MGAT5: variants seen among roughly 807,000 people sequenced by gnomAD.
The protein encoded by MGAT5 is alpha-1,6-mannosylglycoprotein 6-beta-N-acetylglucosaminyltransferase A.
A neutral mutation model predicts 94.3 loss-of-function variants in MGAT5; 30 were observed. That is an observed-to-expected ratio of 0.32 (90% CI 0.24 to 0.43). The LOEUF (loss-of-function observed/expected upper bound fraction) is 0.43, where lower values mean the gene tolerates loss of function less well. Among genes scored for constraint, MGAT5 ranks in the 20% least tolerant of loss-of-function variants. The pLI is 1.00. For synonymous variants in MGAT5, 310 were observed against 322.9 expected (o/e 0.96, Z 0.43); for missense variants, 691 against 905.5 (o/e 0.76, Z 3.04).
At chr2:134,180,032 A>T (rs1688661698) in intron 1 of MGAT5, among the ~76,000 whole-genome samples, 1 of 152,244 alleles carries the variant, frequency 6.6e-6, no homozygotes, top group Admixed American at 6.5e-5. Flanking sequence ...GACAATTTAC[A>T]AATGCCATGG....
chr2:134,145,210 C>CTGTGTG (rs1413599821), intron 1 of MGAT5, among the ~76,000 whole-genome samples: 20 of 95,978 alleles, frequency 2.1e-4, no homozygotes, highest in African/African-American at 1.3e-3. Flanking sequence ...GTGTGTCTCT[C>CTGTGTG]TCTCTGTGTG....
Position 134,318,678 on chromosome 2 carries a change from C to T in MGAT5, c.512C>T (p.Pro171Leu), listed in dbSNP as rs1191662425. 6.2e-7 allele frequency: 1 copy of T among 1,613,440 alleles called. No homozygotes were observed. Among genetic ancestry groups the T allele is most frequent in the Non-Finnish European group, 8.5e-7 (1 of 1,179,460 alleles). Residue 171 changes from proline (P) to leucine (L), a missense_variant, in exon 4 of 16, where the codon CCC (proline) becomes CTC (leucine). Coordinates refer to ENST00000281923, the MANE Select transcript of MGAT5 (RefSeq NM_002410.5). The stretch of plus-strand genomic sequence containing the variant: ...ATGAAAGACATGTGGCGTTCAGATC[C>T]CTGCTACGCAGACTATGGAGTGGAT... ...KWMKDMWRSDPCYADYGVDGS... is the reference protein window; with the variant it reads ...KWMKDMWRSDLCYADYGVDGS...
At chr2:134,434,442 A>G (rs1305337611) in intron 14 of MGAT5, among the ~76,000 whole-genome samples, 2 of 152,248 alleles carry the variant, frequency 1.3e-5, no homozygotes, top group African/African-American at 4.8e-5. Flanking sequence ...TTAGGGAAGG[A>G]TGCAGATGTT....
chr2:134,265,463 A>G (rs1249884976), intron 1 of MGAT5, among the ~76,000 whole-genome samples: 1 of 152,192 alleles, frequency 6.6e-6, no homozygotes, highest in Non-Finnish European at 1.5e-5. Context: ...ACTTAACAGA[A>G]GCTGTCAAAT....
intron 10 of MGAT5, among the ~76,000 whole-genome samples, chr2:134,377,431 G>A (rs1403061451): frequency 6.6e-6 from 1 of 152,184 alleles, no homozygotes; most frequent in East Asian, 1.9e-4. Flanking sequence ...ATTTGACCTA[G>A]GTCACATGAC....
intron 8 of MGAT5, among the ~76,000 whole-genome samples, chr2:134,348,204 G>C (rs772142574): frequency 6.6e-6 from 1 of 152,192 alleles, no homozygotes; most frequent in Non-Finnish European, 1.5e-5. Context: ...AACAAACACT[G>C]ATCAGTTCCT....
chr2:134,168,511 A>G (rs1338835960), intron 1 of MGAT5, among the ~76,000 whole-genome samples: 1 of 152,208 alleles, frequency 6.6e-6, no homozygotes, highest in Non-Finnish European at 1.5e-5. Flanking sequence ...GGCGTCAAAG[A>G]CCAACCTAGA....
chr2:134,446,803 C>T (rs146893794), intron 15 of MGAT5, among the ~76,000 whole-genome samples: 296 of 152,314 alleles, frequency 1.9e-3, no homozygotes, highest in Middle Eastern at 0.01. Context: ...GCAGTTCACA[C>T]GTGCAGGAGG....
intron 2 of MGAT5, among the ~76,000 whole-genome samples, chr2:134,304,206 G>C (rs1203460828): frequency 6.6e-6 from 1 of 152,084 alleles, no homozygotes. Flanking sequence ...CCCTGGTTTT[G>C]GTATGCATGC....
chr2:134,126,905 T>C (rs1685863583), intron 1 of MGAT5, among the ~76,000 whole-genome samples: 1 of 151,914 alleles, frequency 6.6e-6, no homozygotes, highest in African/African-American at 2.4e-5. Context: ...TTTTAAACCA[T>C]CTTATTTTCA....
intron 10 of MGAT5, among the ~76,000 whole-genome samples, chr2:134,384,538 AT>A (rs1681850299): frequency 1.3e-5 from 2 of 152,254 alleles, no homozygotes; most frequent in Admixed American, 1.3e-4. Context: ...GTTAAAAAAA[AT>A]ATGGATTCTT....
chr2:134,276,450 T>C (rs1684381382), intron 2 of MGAT5, among the ~76,000 whole-genome samples: 1 of 152,212 alleles, frequency 6.6e-6, no homozygotes, highest in South Asian at 2.1e-4. Context: ...AAATTCTTTG[T>C]TATTTTAAGC....
intron 1 of MGAT5, among the ~76,000 whole-genome samples, chr2:134,187,920 G>A (rs1219549578): frequency 6.6e-5 from 10 of 152,230 alleles, no homozygotes. Flanking sequence ...AAATAAGGGA[G>A]AGGAGGTTTG....
intron 2 of MGAT5, among the ~76,000 whole-genome samples, chr2:134,280,419 C>CCGAGGA (rs2105710835): frequency 6.6e-6 from 1 of 152,264 alleles, no homozygotes; most frequent in Non-Finnish European, 1.5e-5. Context: ...ACAGAGTCAC[C>CCGAGGA]CGAGGACGAC....
At chr2:134,322,906 G>C (rs1687417712) in intron 4 of MGAT5, among the ~76,000 whole-genome samples, 1 of 152,132 alleles carries the variant, frequency 6.6e-6, no homozygotes, top group South Asian at 2.1e-4. Flanking sequence ...CTTATTGAAA[G>C]AGCCAGTTCT....
At chr2:134,361,879 A>G (rs1342966655) in intron 9 of MGAT5, among the ~76,000 whole-genome samples, 2 of 152,206 alleles carry the variant, frequency 1.3e-5, no homozygotes, top group Non-Finnish European at 2.9e-5. Flanking sequence ...GCGCCTATTC[A>G]GAACTCCCAG....
intron 1 of MGAT5, among the ~76,000 whole-genome samples, chr2:134,246,790 G>T (rs1286599777): frequency 6.6e-6 from 1 of 151,598 alleles, no homozygotes; most frequent in Non-Finnish European, 1.5e-5. Context: ...GATTCTAACT[G>T]GAAAACATAA....
rs1686038286 is a variant in MGAT5, at chr2:134,450,430, A to C, written c.*1583A>C. The C allele has an allele frequency of 6.6e-6, 1 of 152,256 alleles. No individual in the cohort carries two copies. The highest frequency in any genetic ancestry group is 1.5e-5 in the Non-Finnish European group (1 of 68,078). The allele number at this position is 152,256 out of a possible 1,614,324, so 9.4% of individuals were successfully genotyped here. A position where few individuals can be genotyped will look rare whatever the true frequency, so the allele number is the denominator to read the frequency against. On this transcript the variant is annotated 3_prime_UTR_variant, in exon 16 of 16. Transcript: ENST00000281923. Reference sequence around the variant, plus strand: ...TAGCTTTCAGAATGTGAGGGAAAGGAAGAATTCCGCTTCATGGGGACTAGA... The same window carrying C: ...TAGCTTTCAGAATGTGAGGGAAAGGCAGAATTCCGCTTCATGGGGACTAGA...
At chr2:134,226,568 T>C (rs1438451721) in intron 1 of MGAT5, among the ~76,000 whole-genome samples, 1 of 152,234 alleles carries the variant, frequency 6.6e-6, no homozygotes, top group African/African-American at 2.4e-5. Flanking sequence ...AGGTGGGTTT[T>C]GGAAGTTCAT....
Sources: allele counts gnomAD v4.1 joint callset (sites outside exome capture counted in the v4.1 genomes callset), GRCh38; gene constraint gnomAD v4.1.1; transcripts MANE v1.5; gene names NCBI Gene and HGNC (gene_info 2026-07-23, HGNC 2026-07-21).